Variants in TXN observed in about 807,000 individuals in gnomAD.
TXN encodes thioredoxin.
TXN carries 10 observed loss-of-function variants against 16.5 expected under a neutral mutation model. That is an observed-to-expected ratio of 0.61 (90% CI 0.37 to 1.03). TXN has a LOEUF of 1.03. Ranked by LOEUF, TXN falls within the 50% of genes least tolerant of loss-of-function variation. The pLI is 0.01. For synonymous variants in TXN, 35 were observed against 39.4 expected, an observed-to-expected ratio of 0.89 and a Z score of 0.42; for missense variants, 71 against 122.5, an observed-to-expected ratio of 0.58 and a Z score of 1.98.
chr9:110,253,643 A>T (rs1229248714), intron 1 of TXN, among the ~76,000 whole-genome samples: 3 of 152,180 alleles, frequency 2.0e-5, no homozygotes, highest in Non-Finnish European at 4.4e-5. Flanking sequence ...ACAGTTCTGA[A>T]TCAAATTTAA....
chr9:110,256,348 G>T lies in TXN; in HGVS notation c.24+64C>A. 2.9e-6 allele frequency: 4 copies of T among 1,367,972 alleles called. No individual in the cohort carries two copies. The African/African-American group carries it at 4.4e-5, about 15-fold the overall frequency. 84.7% of individuals were successfully genotyped at this position (1,367,972 alleles called of 1,614,324 possible). On this transcript the variant is annotated intron_variant, in intron 1 of 4. Transcript: ENST00000374517. The surrounding 1 kb of genome is among the most constrained non-coding windows in gnomAD (Gnocchi z 4.2). Reference sequence around the variant, plus strand: ...ACCGCCTTCCCCACCTCCCGCCACCGCCTTCCCCAGTTACAGAGGCCGCGC... The same window carrying T: ...ACCGCCTTCCCCACCTCCCGCCACCTCCTTCCCCAGTTACAGAGGCCGCGC...
chr9:110,248,588 T>C (rs371865818), intron 3 of TXN, among the ~76,000 whole-genome samples: 3 of 152,296 alleles, frequency 2.0e-5, no homozygotes, highest in Admixed American at 6.5e-5. Flanking sequence ...TCTCAGAAAG[T>C]ATCCTCATCA....
chr9:110,244,732 G>T (rs757806086), intron 4 of TXN, 46 bp downstream of exon 4: 2 of 1,473,374 alleles, frequency 1.4e-6, no homozygotes, highest in Non-Finnish European at 1.9e-6. Flanking sequence ...ACTTATACTG[G>T]GTTTCCTATT....
At chr9:110,246,962 T>C (rs546821541) in intron 3 of TXN, among the ~76,000 whole-genome samples, 1 of 152,294 alleles carries the variant, frequency 6.6e-6, no homozygotes, top group South Asian at 2.1e-4. Context: ...ACTCATACTT[T>C]TCTATCAATC....
At chr9:110,245,646 ATATATATAT>A (rs1253644956) in intron 3 of TXN, among the ~76,000 whole-genome samples, 3 of 27,932 alleles carry the variant, frequency 1.1e-4, no homozygotes, top group African/African-American at 6.0e-4. Flanking sequence ...ATATATATAT[ATATATATAT>A]TTTTTTTTTT....
rs1401126116 is a variant in TXN, at chr9:110,256,272, C to T, written c.24+140G>A. 17 of 962,852 alleles carry T rather than the reference C, an allele frequency of 1.8e-5. No individual in the cohort carries two copies. The highest frequency in any genetic ancestry group is 4.1e-5 in the Admixed American group (2 of 48,410). The allele number at this position is 962,852 out of a possible 1,614,324, so 59.6% of individuals were successfully genotyped here. A position where few individuals can be genotyped will look rare whatever the true frequency, so the allele number is the denominator to read the frequency against. Reference sequence around the variant, plus strand: ...TTCCCGCAGTCCCAGGCCGAGACGCCGCGTCCCTTTCCCCTGGCGATGCGG... The same window carrying T: ...TTCCCGCAGTCCCAGGCCGAGACGCTGCGTCCCTTTCCCCTGGCGATGCGG... On this transcript the variant is annotated intron_variant, in intron 1 of 4. Transcript: ENST00000374517. This position sits in a 1 kb window ranked among gnomAD's most constrained non-coding sequence, Gnocchi z 4.2.
chr9:110,256,374 G>C lies in TXN; in HGVS notation c.24+38C>G. ...CCTTCCCCAGTTACAGAGGCCGCGC[G>C]CGGCGCCGGCACCCTGGCCTTCCCC... On this transcript the variant is annotated intron_variant, in intron 1 of 4. Coordinates refer to ENST00000374517, the MANE Select transcript of TXN (RefSeq NM_003329.4). This position sits in a 1 kb window ranked among gnomAD's most constrained non-coding sequence, Gnocchi z 4.2. The C allele has an allele frequency of 6.3e-7, 1 of 1,595,222 alleles. No individual in the cohort carries two copies. The highest frequency in any genetic ancestry group is 1.1e-5 in the South Asian group (1 of 88,528).
chr9:110,252,175 A>G (rs2118577829), intron 1 of TXN, among the ~76,000 whole-genome samples: 1 of 144,348 alleles, frequency 6.9e-6, no homozygotes, highest in East Asian at 2.4e-4. Flanking sequence ...AGTGAGCCAA[A>G]ATTGTGCCAC....
chr9:110,247,275 A>G (rs892607015), intron 3 of TXN, among the ~76,000 whole-genome samples: 4 of 150,066 alleles, frequency 2.7e-5, no homozygotes, highest in Admixed American at 2.0e-4. Context: ...GTGAGCAGAG[A>G]TGGTACCACT....
At chr9:110,245,652 ATATTTTT>A (rs1448659553) in intron 3 of TXN, among the ~76,000 whole-genome samples, 3 of 23,678 alleles carry the variant, frequency 1.3e-4, no homozygotes, top group Admixed American at 7.0e-4. Flanking sequence ...ATATATATAT[ATATTTTT>A]TTTTTTTTTT....
At chr9:110,252,239 A>T (rs201601827) in intron 1 of TXN, among the ~76,000 whole-genome samples, 5,718 of 150,614 alleles carry the variant, frequency 0.038, 312 homozygotes, top group East Asian at 0.074. Context: ...AAAAAAAAAA[A>T]AAAAAAGCTA....
intron 3 of TXN, among the ~76,000 whole-genome samples, chr9:110,250,076 A>C (rs1253650153): frequency 5.9e-5 from 9 of 152,232 alleles, no homozygotes; most frequent in Admixed American, 5.9e-4. Context: ...GCATCCTCCG[A>C]TGGGTAGTGC....
intron 4 of TXN, among the ~76,000 whole-genome samples, chr9:110,244,434 A>G (rs953027990): frequency 1.3e-5 from 2 of 151,840 alleles, no homozygotes; most frequent in Non-Finnish European, 2.9e-5. Flanking sequence ...AATAACATAC[A>G]GTTCATTTAA....
intron 4 of TXN, 56 bp from the exon 5 acceptor site, chr9:110,244,275 C>A (rs72549247): frequency 2.9e-5 from 22 of 747,220 alleles, no homozygotes; most frequent in Admixed American, 3.9e-5. Flanking sequence ...CTGTTTTATA[C>A]ATAAAATATG....
intron 2 of TXN, among the ~76,000 whole-genome samples, 192 bp from the exon 3 acceptor site, chr9:110,251,071 C>T (rs2418076): frequency 0.34 from 51,855 of 151,870 alleles, 9,674 homozygotes; most frequent in East Asian, 0.59. Flanking sequence ...TATAAAACAG[C>T]TTGGCATATC....
intron 1 of TXN, among the ~76,000 whole-genome samples, chr9:110,254,126 C>T (rs1837776343): frequency 6.9e-6 from 1 of 144,540 alleles, no homozygotes; most frequent in Non-Finnish European, 1.6e-5. Context: ...TCCCAGTTGG[C>T]CCTAAAGCAC....
At chr9:110,249,871 T>C (rs1449529938) in intron 3 of TXN, among the ~76,000 whole-genome samples, 1 of 152,194 alleles carries the variant, frequency 6.6e-6, no homozygotes, top group Non-Finnish European at 1.5e-5. Flanking sequence ...CAGATGCTAG[T>C]GAGCCAGGAC....
At chr9:110,255,292 C>A (rs974059983) in intron 1 of TXN, among the ~76,000 whole-genome samples, 5 of 152,234 alleles carry the variant, frequency 3.3e-5, no homozygotes, top group Non-Finnish European at 7.3e-5. Context: ...GTATCAATTT[C>A]CTCCACTCAC....
intron 3 of TXN, among the ~76,000 whole-genome samples, chr9:110,250,162 G>T (rs1304820225): frequency 6.6e-6 from 1 of 152,196 alleles, no homozygotes; most frequent in African/African-American, 2.4e-5. Flanking sequence ...GAAACTTCAT[G>T]AACAACCTCT....
Sources: allele counts gnomAD v4.1 joint callset (sites outside exome capture counted in the v4.1 genomes callset), GRCh38; gene constraint gnomAD v4.1.1; non-coding constraint Gnocchi (gnomAD v3.1); transcripts MANE v1.5; gene names NCBI Gene and HGNC (gene_info 2026-07-23, HGNC 2026-07-21).